SDCCAG8: variants seen among roughly 807,000 people sequenced by gnomAD.
SDCCAG8 encodes serologically defined colon cancer antigen 8.
Under a neutral mutation model 101.8 loss-of-function variants are expected in SDCCAG8, and 74 were observed. That is an observed-to-expected ratio of 0.73 (90% CI 0.60 to 0.88). The LOEUF is 0.88. SDCCAG8 is among the 40% of genes least tolerant of loss of function. The pLI is 0.00. For synonymous variants in SDCCAG8, 281 were observed against 292.9 expected, an observed-to-expected ratio of 0.96 and a Z score of 0.41; for missense variants, 787 against 822.6, an observed-to-expected ratio of 0.96 and a Z score of 0.53.
At chr1:243,379,381 A>T (rs539138738) in intron 13 of SDCCAG8, among the ~76,000 whole-genome samples, 11 of 152,200 alleles carry the variant, frequency 7.2e-5, no homozygotes, top group Non-Finnish European at 1.6e-4. Context: ...CATTATTATA[A>T]CCAGGCTTAC....
chr1:243,292,827 A>G (rs1419255894), intron 5 of SDCCAG8, among the ~76,000 whole-genome samples: 1 of 152,228 alleles, frequency 6.6e-6, no homozygotes, highest in East Asian at 1.9e-4. Flanking sequence ...AGGAGTAAAG[A>G]ATAATTCCAT....
chr1:243,390,370 A>G (rs540530163), intron 13 of SDCCAG8, among the ~76,000 whole-genome samples: 3 of 152,320 alleles, frequency 2.0e-5, no homozygotes, highest in East Asian at 1.9e-4. Flanking sequence ...CCCACCCAGT[A>G]TCAGAGAAAA....
intron 12 of SDCCAG8, among the ~76,000 whole-genome samples, chr1:243,372,954 C>CTATCTA (rs1558373515): frequency 0.03 from 3,880 of 131,234 alleles, 92 homozygotes; most frequent in South Asian, 0.061. Flanking sequence ...CTATATCTAT[C>CTATCTA]TATATATATA....
chr1:243,342,555 G>A (rs773251335), intron 11 of SDCCAG8, among the ~76,000 whole-genome samples: 24 of 152,098 alleles, frequency 1.6e-4, no homozygotes, highest in Admixed American at 1.0e-3. Context: ...AGCTTGTATT[G>A]GTGTTGGGTT....
At chr1:243,365,428 A>G (rs1280318346) in intron 12 of SDCCAG8, among the ~76,000 whole-genome samples, 2 of 152,206 alleles carry the variant, frequency 1.3e-5, no homozygotes, top group Admixed American at 6.5e-5. Context: ...AATACTGTAC[A>G]TCGAAGTCTT....
chr1:243,433,309 G>A (rs2081920411), intron 16 of SDCCAG8, among the ~76,000 whole-genome samples: 2 of 147,586 alleles, frequency 1.4e-5, no homozygotes, highest in South Asian at 4.3e-4. Context: ...CCGAGATCGC[G>A]CCACTGCACT....
chr1:243,304,214 C>A (rs2071850819), intron 6 of SDCCAG8, among the ~76,000 whole-genome samples: 1 of 152,160 alleles, frequency 6.6e-6, no homozygotes, highest in African/African-American at 2.4e-5. Flanking sequence ...CCTTGCAGTT[C>A]AAGCCACCTT....
chr1:243,397,833 G>A (rs1393521364), intron 13 of SDCCAG8, among the ~76,000 whole-genome samples: 1 of 152,226 alleles, frequency 6.6e-6, no homozygotes, highest in African/African-American at 2.4e-5. Context: ...CGCATACAGT[G>A]GAGCAAGAAA....
intron 17 of SDCCAG8, among the ~76,000 whole-genome samples, chr1:243,491,270 T>TA (rs1160163087): frequency 2.0e-5 from 3 of 152,140 alleles, no homozygotes; most frequent in East Asian, 1.9e-4. Flanking sequence ...CAAAACGCAT[T>TA]AAAAAAACCC....
chr1:243,275,274 CTG>C (rs2068443202), intron 4 of SDCCAG8, among the ~76,000 whole-genome samples: 1 of 148,678 alleles, frequency 6.7e-6, no homozygotes, highest in Non-Finnish European at 1.5e-5. Context: ...TTTTTTTTTT[CTG>C]TTTCTTTCTC....
At chr1:243,426,205 A>G (rs2081328274) in intron 15 of SDCCAG8, among the ~76,000 whole-genome samples, 1 of 152,162 alleles carries the variant, frequency 6.6e-6, no homozygotes, top group South Asian at 2.1e-4. Flanking sequence ...TAGGGAAGCC[A>G]TTTCTGTTAG....
At chr1:243,299,038 G>A (rs1003597378) in intron 6 of SDCCAG8, among the ~76,000 whole-genome samples, 1 of 152,162 alleles carries the variant, frequency 6.6e-6, no homozygotes, top group African/African-American at 2.4e-5. Flanking sequence ...TCTAATCCTT[G>A]TAAACTGCAT....
At chr1:243,479,560 A>G (rs1026001823) in intron 16 of SDCCAG8, among the ~76,000 whole-genome samples, 1 of 152,220 alleles carries the variant, frequency 6.6e-6, no homozygotes, top group Non-Finnish European at 1.5e-5. Flanking sequence ...TCATTTTAAA[A>G]TGTAAAAATC....
At chr1:243,278,010 A>G (rs1337324987) in intron 4 of SDCCAG8, among the ~76,000 whole-genome samples, 1 of 152,186 alleles carries the variant, frequency 6.6e-6, no homozygotes, top group African/African-American at 2.4e-5. Context: ...AAACTTTAGA[A>G]TCAGTTTGTC....
chr1:243,275,294 T>G (rs1037733747), intron 4 of SDCCAG8, among the ~76,000 whole-genome samples: 2 of 152,136 alleles, frequency 1.3e-5, no homozygotes, highest in African/African-American at 4.8e-5. Context: ...CTCTCTTTCT[T>G]TCTTTCCCTC....
intron 16 of SDCCAG8, among the ~76,000 whole-genome samples, chr1:243,470,218 G>A (rs1660955577): frequency 6.6e-6 from 1 of 152,174 alleles, no homozygotes; most frequent in Non-Finnish European, 1.5e-5. Context: ...AAGTGCTCCA[G>A]CTGCCCCGAC....
chr1:243,423,850 T>C (rs1052004390), intron 15 of SDCCAG8, among the ~76,000 whole-genome samples: 10 of 152,110 alleles, frequency 6.6e-5, no homozygotes, highest in African/African-American at 2.4e-4. Context: ...CTTAGGCAAA[T>C]TATTCAACTT....
chr1:243,435,198 A>G (rs2082054449), intron 16 of SDCCAG8, among the ~76,000 whole-genome samples: 1 of 152,198 alleles, frequency 6.6e-6, no homozygotes, highest in Admixed American at 6.5e-5. Context: ...GATAGTATGC[A>G]TCGTACGTAA....
intron 5 of SDCCAG8, 71 bp downstream of exon 5, chr1:243,286,468 C>T: frequency 1.3e-6 from 2 of 1,523,698 alleles, no homozygotes; most frequent in South Asian, 1.1e-5. Flanking sequence ...TCCTCGCCTT[C>T]TTCGCTGCTT....
Sources: allele counts gnomAD v4.1 joint callset (sites outside exome capture counted in the v4.1 genomes callset), GRCh38; gene constraint gnomAD v4.1.1; transcripts MANE v1.5; gene names NCBI Gene and HGNC (gene_info 2026-07-23, HGNC 2026-07-21).